The following TRIM5 variants were observed in gnomAD, a reference collection of about 807,000 sequenced individuals.
The protein encoded by TRIM5 is tripartite motif-containing protein 5.
Under a neutral mutation model 35.6 loss-of-function variants are expected in TRIM5, and 31 were observed. The observed-to-expected ratio is 0.87, with a 90% CI of 0.65 to 1.18. The LOEUF is 1.18. TRIM5 is among the 50% of genes most tolerant of loss of function. The probability of loss-of-function intolerance (pLI) is 0.00; values close to 1 mark genes in which losing one functional copy is unlikely to be tolerated. For missense variants in TRIM5, 609 were observed against 591.6 expected, an observed-to-expected ratio of 1.03 and a Z score of -0.31; for synonymous variants, 243 against 215.6, an observed-to-expected ratio of 1.13 and a Z score of -1.11.
chr11:5,635,243 G>A, the TRIM5 span, among the ~76,000 whole-genome samples: 12 of 147,502 alleles, frequency 8.1e-5, no homozygotes, highest in Middle Eastern at 3.4e-3. Context: ...TTATGCAAAT[G>A]TTCCCTGTTA....
At chr11:5,598,291 C>T in the TRIM5 span, among the ~76,000 whole-genome samples, 1 of 152,214 alleles carries the variant, frequency 6.6e-6, no homozygotes, top group African/African-American at 2.4e-5. Flanking sequence ...CCTATGCTAA[C>T]TGTATGCTCC....
chr11:5,610,561 G>A, the TRIM5 span: 1 of 1,613,128 alleles, frequency 6.2e-7, no homozygotes, highest in Non-Finnish European at 8.5e-7. Flanking sequence ...AAGCTACTGG[G>A]GTAAGTAGAA....
intron 4 of TRIM5, among the ~76,000 whole-genome samples, chr11:5,673,170 A>G (rs1287890048): frequency 2.6e-5 from 4 of 152,156 alleles, no homozygotes; most frequent in African/African-American, 9.6e-5. Context: ...TTCGGTTATC[A>G]CTACCTATAG....
intron 4 of TRIM5, among the ~76,000 whole-genome samples, chr11:5,670,234 G>A (rs1264258835): frequency 1.6e-5 from 2 of 127,550 alleles, no homozygotes; most frequent in Non-Finnish European, 3.1e-5. Context: ...CTGGAGTGCA[G>A]TGGTGCGATC....
the TRIM5 span, chr11:5,610,586 G>A: frequency 6.2e-7 from 1 of 1,608,374 alleles, no homozygotes; most frequent in South Asian, 1.1e-5. Context: ...TGGCCTCTTT[G>A]GGCTGGCACA....
chr11:5,612,334 A>C, the TRIM5 span: 3 of 152,240 alleles, frequency 2.0e-5, no homozygotes, highest in Non-Finnish European at 4.4e-5. Context: ...CTTCAAACTC[A>C]AATTGAAGAG....
the TRIM5 span, chr11:5,634,726 G>C: frequency 1.0e-3 from 1,614 of 1,614,050 alleles, no homozygotes; most frequent in Admixed American, 2.0e-3. Flanking sequence ...TGCAAAGATT[G>C]GAAGAAGAAG....
chr11:5,657,867 C>T, the TRIM5 span, among the ~76,000 whole-genome samples: 363 of 150,830 alleles, frequency 2.4e-3, no homozygotes, highest in African/African-American at 7.6e-3. Flanking sequence ...CTGAGAGCCT[C>T]GGCCTCCCAA....
the TRIM5 span, among the ~76,000 whole-genome samples, chr11:5,653,029 T>G: frequency 1.3e-5 from 2 of 152,030 alleles, no homozygotes; most frequent in African/African-American, 4.8e-5. Flanking sequence ...ATTTTTTGTA[T>G]TTTTGGTAGA....
At chr11:5,620,399 G>A in the TRIM5 span, among the ~76,000 whole-genome samples, 10,990 of 150,912 alleles carry the variant, frequency 0.073, 1,229 homozygotes, top group African/African-American at 0.25. Flanking sequence ...GATTGGTCTC[G>A]AATTCCTTGG....
At chr11:5,635,627 TAGAC>T in the TRIM5 span, among the ~76,000 whole-genome samples, 1 of 152,154 alleles carries the variant, frequency 6.6e-6, no homozygotes, top group Non-Finnish European at 1.5e-5. Context: ...GACAAATATA[TAGAC>T]AGACAGTGCT....
the TRIM5 span, chr11:5,632,655 T>A: frequency 6.2e-7 from 1 of 1,612,584 alleles, no homozygotes; most frequent in South Asian, 1.1e-5. Flanking sequence ...TACTCTTCTG[T>A]AAGGAGGATA....
chr11:5,673,829 C>G (rs916416886), intron 4 of TRIM5, among the ~76,000 whole-genome samples: 2 of 151,110 alleles, frequency 1.3e-5, no homozygotes, highest in African/African-American at 2.4e-5. Context: ...AAGAGTAAAC[C>G]AAAAAATCAC....
the TRIM5 span, among the ~76,000 whole-genome samples, chr11:5,631,082 G>C: frequency 2.6e-5 from 4 of 152,112 alleles, no homozygotes; most frequent in African/African-American, 9.7e-5. Flanking sequence ...ATTCCTCGAT[G>C]ATCTGACATT....
chr11:5,643,678 C>G, the TRIM5 span: 3 of 1,608,854 alleles, frequency 1.9e-6, no homozygotes, highest in Admixed American at 1.7e-5. Context: ...AACTGTCCAG[C>G]TCCCATGACT....
chr11:5,608,919 C>T, the TRIM5 span, among the ~76,000 whole-genome samples: 2 of 129,486 alleles, frequency 1.5e-5, no homozygotes, highest in African/African-American at 3.1e-5. Flanking sequence ...GGTGTGATCT[C>T]GGCTCACTGC....
At chr11:5,592,914 C>CAAAAAAAA in the TRIM5 span, among the ~76,000 whole-genome samples, 1 of 67,178 alleles carries the variant, frequency 1.5e-5, no homozygotes. Context: ...GAGATTGTCT[C>CAAAAAAAA]AAAAAAAAAA....
At chr11:5,602,379 C>T in the TRIM5 span, among the ~76,000 whole-genome samples, 4 of 150,080 alleles carry the variant, frequency 2.7e-5, no homozygotes, top group African/African-American at 9.7e-5. Context: ...GGAGGCGGAG[C>T]TTGCAGTGAG....
chr11:5,599,822 T>C, the TRIM5 span, among the ~76,000 whole-genome samples: 1 of 152,220 alleles, frequency 6.6e-6, no homozygotes, highest in Non-Finnish European at 1.5e-5. Flanking sequence ...CAATCCATTA[T>C]AAAGTTAATT....
Sources: gnomAD v4.1 joint callset for allele counts (sites outside exome capture counted in the v4.1 genomes callset) on GRCh38, gnomAD v4.1.1 for gene constraint, MANE v1.5 for transcripts, NCBI Gene and HGNC (gene_info 2026-07-23, HGNC 2026-07-21) for gene names.